The following DIAPH2 variants were observed in gnomAD, a reference collection of about 807,000 sequenced individuals.
DIAPH2 encodes the protein diaphanous related formin 2.
Under a neutral mutation model 92.7 loss-of-function variants are expected in DIAPH2, and 35 were observed. The ratio of observed to expected loss-of-function variants is 0.38; its 90% confidence interval spans 0.29 to 0.50. DIAPH2 has a LOEUF of 0.50. Ranked by LOEUF, DIAPH2 falls within the 20% of genes least tolerant of loss-of-function variation. DIAPH2 has a pLI of 0.94. For missense variants in DIAPH2, 701 were observed against 819.5 expected, an observed-to-expected ratio of 0.86 and a Z score of 1.77; for synonymous variants, 301 against 280.4, an observed-to-expected ratio of 1.07 and a Z score of -0.73.
At chrX:97,278,026 A>G (rs2068465865) in intron 23 of DIAPH2, among the ~76,000 whole-genome samples, 1 of 111,697 alleles carries the variant, frequency 9.0e-6, no homozygotes, top group Non-Finnish European at 1.9e-5. Flanking sequence ...TTGTATTTTT[A>G]GTAGAGACAG....
rs774449473 is a variant in DIAPH2, at chrX:97,175,629, A to T, written c.2719+33835A>T. Among the ~76,000 whole-genome samples the T allele has an allele frequency of 5.4e-5, 6 of 111,979 alleles. No individual in the cohort carries two copies. The South Asian group carries it at 2.2e-3, about 42-fold the overall frequency. On this transcript the variant is annotated intron_variant, in intron 22 of 26. Coordinates refer to ENST00000324765, the MANE Select transcript of DIAPH2 (RefSeq NM_006729.5). The stretch of plus-strand genomic sequence containing the variant: ...ATGCCAGCCTGTTTGGAGATTAATT[A>T]CTATCTTTGTATTAAAGTACTGGTT...
At chrX:97,315,975 C>T (rs2068836583) in intron 23 of DIAPH2, among the ~76,000 whole-genome samples, 2 of 111,352 alleles carry the variant, frequency 1.8e-5, no homozygotes, top group African/African-American at 6.5e-5. Context: ...TTTATTAAGC[C>T]GATGATTACA....
chrX:97,025,418 G>A (rs1472901598), intron 17 of DIAPH2, among the ~76,000 whole-genome samples: 2 of 109,831 alleles, frequency 1.8e-5, no homozygotes, highest in Non-Finnish European at 3.8e-5. Flanking sequence ...TCGGGAGGCT[G>A]AGGCGGGCGG....
intron 4 of DIAPH2, among the ~76,000 whole-genome samples, chrX:96,805,419 G>A (rs1446838787): frequency 9.0e-6 from 1 of 110,857 alleles, no homozygotes; most frequent in African/African-American, 3.3e-5. Context: ...AAGATATCTG[G>A]TATGGTTATA....
chrX:97,532,281 G>A (rs761360732), intron 26 of DIAPH2, among the ~76,000 whole-genome samples: 134 of 113,063 alleles, frequency 1.2e-3, no homozygotes, highest in Non-Finnish European at 2.4e-4. Context: ...ACTATTACTG[G>A]TGTCACAGAT....
At chrX:96,700,156 A>G (rs910364733) in intron 1 of DIAPH2, among the ~76,000 whole-genome samples, 1 of 111,805 alleles carries the variant, frequency 8.9e-6, no homozygotes, top group African/African-American at 3.3e-5. Flanking sequence ...CTACAGGCAC[A>G]TGCCATCATG....
chrX:96,699,463 G>A (rs181215677), intron 1 of DIAPH2, among the ~76,000 whole-genome samples: 1 of 111,342 alleles, frequency 9.0e-6, no homozygotes, highest in Admixed American at 9.6e-5. Flanking sequence ...TCTCACAACT[G>A]GGGGAGGGTG....
rs773588517 is a variant in DIAPH2, at chrX:97,308,530, C to T, written c.2845-39586C>T. 2.7e-5 allele frequency among the ~76,000 whole-genome samples: 3 copies of T among 110,599 alleles called. No individual in the cohort carries two copies. The South Asian group carries it at 1.2e-3, about 44-fold the overall frequency. On this transcript the variant is annotated intron_variant, in intron 23 of 26. Transcript: ENST00000324765. ...GGCGCGGTGGCTCACGTCTGTAATC[C>T]CAGCATTTTTAGGAGGCTGAGGCTG...
intron 22 of DIAPH2, among the ~76,000 whole-genome samples, chrX:97,215,969 C>A (rs775211181): frequency 3.6e-5 from 4 of 111,904 alleles, no homozygotes; most frequent in Non-Finnish European, 5.6e-5. Flanking sequence ...TTCCTTTATT[C>A]GTGTGTCCGT....
chrX:97,178,832 G>C (rs903031775), intron 22 of DIAPH2, among the ~76,000 whole-genome samples: 1 of 110,990 alleles, frequency 9.0e-6, no homozygotes, highest in Non-Finnish European at 1.9e-5. Flanking sequence ...ATGGGATTAG[G>C]ACTCATAAAA....
intron 26 of DIAPH2, among the ~76,000 whole-genome samples, chrX:97,499,871 A>G (rs2070783510): frequency 8.9e-6 from 1 of 112,580 alleles, no homozygotes; most frequent in Non-Finnish European, 1.9e-5. Flanking sequence ...TTAGCATAGA[A>G]GAAAGTCCTC....
At chrX:97,280,905 AT>A (rs2068491566) in intron 23 of DIAPH2, among the ~76,000 whole-genome samples, 1 of 112,011 alleles carries the variant, frequency 8.9e-6, no homozygotes, top group Admixed American at 9.6e-5. Flanking sequence ...AAACCACCAG[AT>A]CTTTTTGTAT....
intron 4 of DIAPH2, 81 bp downstream of exon 4, chrX:96,758,339 G>A (rs1179019264): frequency 1.2e-6 from 1 of 812,703 alleles, no homozygotes; most frequent in Non-Finnish European, 1.8e-6. Context: ...ACAAACCTCA[G>A]CTCTTCAGAT....
intron 22 of DIAPH2, among the ~76,000 whole-genome samples, chrX:97,144,910 G>A (rs1185270322): frequency 4.5e-5 from 5 of 111,385 alleles, no homozygotes; most frequent in Admixed American, 9.5e-5. Context: ...GATTACAGGC[G>A]CACGCCACCA....
intron 22 of DIAPH2, among the ~76,000 whole-genome samples, chrX:97,157,498 T>C (rs1425796087): frequency 9.0e-6 from 1 of 111,115 alleles, no homozygotes; most frequent in Admixed American, 9.6e-5. Flanking sequence ...AAGTTAATCC[T>C]GTATCACAAA....
At chrX:97,540,212 G>C (rs146487455) in intron 26 of DIAPH2, among the ~76,000 whole-genome samples, 100 of 112,191 alleles carry the variant, frequency 8.9e-4, no homozygotes, top group African/African-American at 3.2e-3. Flanking sequence ...ATGTACAGTA[G>C]TGAGTCACTG....
At chrX:97,307,355 C>T (rs1305865140) in intron 23 of DIAPH2, among the ~76,000 whole-genome samples, 1 of 111,590 alleles carries the variant, frequency 9.0e-6, no homozygotes, top group Non-Finnish European at 1.9e-5. Flanking sequence ...TACCCTTTGT[C>T]TGAAACACTC....
chrX:97,349,511 A>G (rs1275838618), intron 24 of DIAPH2, among the ~76,000 whole-genome samples: 1 of 111,253 alleles, frequency 9.0e-6, no homozygotes, highest in Non-Finnish European at 1.9e-5. Context: ...CTGTGAAATC[A>G]TTTGATTTTG....
At chrX:96,693,603 A>C (rs1286215379) in intron 1 of DIAPH2, among the ~76,000 whole-genome samples, 1 of 112,295 alleles carries the variant, frequency 8.9e-6, no homozygotes, top group Non-Finnish European at 1.9e-5. Flanking sequence ...CACAGAGGTC[A>C]CACCACTTAC....
Sources: gnomAD v4.1 joint callset for allele counts (sites outside exome capture counted in the v4.1 genomes callset) on GRCh38, gnomAD v4.1.1 for gene constraint, MANE v1.5 for transcripts, NCBI Gene and HGNC (gene_info 2026-07-23, HGNC 2026-07-21) for gene names.